PPP4R1: variants seen among roughly 807,000 people sequenced by gnomAD.
PPP4R1 encodes the protein serine/threonine-protein phosphatase 4 regulatory subunit 1.
A neutral mutation model predicts 111.2 loss-of-function variants in PPP4R1; 42 were observed. The ratio of observed to expected loss-of-function variants is 0.38; its 90% CI spans 0.29 to 0.49. The LOEUF (loss-of-function observed/expected upper bound fraction) is 0.49. Ranked by LOEUF, PPP4R1 falls within the 20% of genes least tolerant of loss-of-function variation. PPP4R1 has a pLI of 0.97. For missense variants in PPP4R1, 1,012 were observed against 1,161.6 expected (o/e 0.87, Z 1.87); for synonymous variants, 409 against 405.5 (o/e 1.01, Z -0.10).
chr18:9,605,566 C>CAAAAAAAAAAAAAAAAAAAAAAAA (rs34208690), intron 2 of PPP4R1, among the ~76,000 whole-genome samples: 1 of 67,640 alleles, frequency 1.5e-5, no homozygotes, highest in African/African-American at 5.9e-5. Flanking sequence ...GCAGTCCTGT[C>CAAAAAAAAAAAAAAAAAAAAAAAA]AAAAAAAAAA....
intron 6 of PPP4R1, among the ~76,000 whole-genome samples, chr18:9,586,323 G>A (rs1478407281): frequency 6.6e-6 from 1 of 151,696 alleles, no homozygotes; most frequent in Non-Finnish European, 1.5e-5. Flanking sequence ...ACATTGCATC[G>A]AGAATTATAA....
intron 11 of PPP4R1, among the ~76,000 whole-genome samples, chr18:9,564,697 G>T (rs189711542): frequency 0.02 from 1,878 of 93,550 alleles, 14 homozygotes; most frequent in Non-Finnish European, 0.032. Context: ...TAAAGTGCAT[G>T]GTGTGTGTGT....
At chr18:9,559,314 C>G (rs1323205879) in intron 14 of PPP4R1, 105 bp downstream of exon 14, 1 of 1,151,692 alleles carries the variant, frequency 8.7e-7, no homozygotes. Context: ...TCCTATAACA[C>G]TAAGAACATG....
intron 9 of PPP4R1, among the ~76,000 whole-genome samples, chr18:9,581,992 A>G (rs2067037151): frequency 6.6e-6 from 1 of 152,108 alleles, no homozygotes; most frequent in Non-Finnish European, 1.5e-5. Context: ...TTCACAGATA[A>G]ATGAAAACAG....
chr18:9,609,868 G>C (rs548470942), intron 2 of PPP4R1, among the ~76,000 whole-genome samples: 53 of 152,266 alleles, frequency 3.5e-4, no homozygotes, highest in African/African-American at 1.2e-3. Flanking sequence ...GAATCAGAAG[G>C]CCTAGCTTAA....
chr18:9,612,029 T>G (rs1185709498), intron 2 of PPP4R1, among the ~76,000 whole-genome samples: 2 of 151,970 alleles, frequency 1.3e-5, no homozygotes, highest in African/African-American at 2.4e-5. Context: ...AAAAAAAAAT[T>G]TAGTTGCGAG....
At chr18:9,563,600 T>C in intron 11 of PPP4R1, 50 bp from the exon 12 acceptor site, 1 of 1,455,092 alleles carries the variant, frequency 6.9e-7, no homozygotes, top group South Asian at 1.2e-5. Context: ...AATTGCAATA[T>C]TCTTACAAGG....
chr18:9,607,617 C>T (rs1033349399), intron 2 of PPP4R1, among the ~76,000 whole-genome samples: 1 of 151,898 alleles, frequency 6.6e-6, no homozygotes, highest in African/African-American at 2.4e-5. Flanking sequence ...CAAATTCAAG[C>T]CACAAATTAA....
chr18:9,593,980 T>A, intron 3 of PPP4R1, 106 bp from the exon 4 acceptor site: 1 of 827,386 alleles, frequency 1.2e-6, no homozygotes, highest in Non-Finnish European at 2.0e-6. Flanking sequence ...CAGGCCGGAG[T>A]GTAATGGTGT....
chr18:9,572,800 G>GT (rs2066882286), intron 10 of PPP4R1, among the ~76,000 whole-genome samples: 1 of 152,136 alleles, frequency 6.6e-6, no homozygotes, highest in Admixed American at 6.5e-5. Context: ...AAAAACATAC[G>GT]TAAGTCATCT....
rs141783257 is a variant in PPP4R1 at position 9,563,728 on chromosome 18, T to C, written c.1574-178A>G. ...ATCATTAGTCCTTCAAGAGAAAAAG[T>C]AGAAAACTAATATGCTTTCATGAGA... On this transcript the variant is annotated intron_variant, in intron 11 of 19. Transcript: ENST00000400556. The C allele has an allele frequency of 2.3e-4, 115 of 499,132 alleles. 2 individuals carry two copies. Among genetic ancestry groups the C allele is most frequent in the East Asian group, 1.6e-3 (48 of 29,936 alleles). 30.9% of individuals were successfully genotyped at this position (499,132 alleles called of 1,614,324 possible).
intron 3 of PPP4R1, chr18:9,594,102 A>G (rs1331457376): frequency 7.7e-6 from 3 of 390,616 alleles, no homozygotes; most frequent in African/African-American, 2.0e-5. Context: ...TAATTTTTAA[A>G]TATCTTTAGT....
intron 4 of PPP4R1, 21 bp downstream of exon 4, chr18:9,593,747 A>G (rs762809323): frequency 6.3e-7 from 1 of 1,598,036 alleles, no homozygotes; most frequent in Middle Eastern, 1.7e-4. Flanking sequence ...AATAGAGTAA[A>G]TTCACTTTCT....
At chr18:9,602,820 C>CA (rs536444961) in intron 2 of PPP4R1, among the ~76,000 whole-genome samples, 7 of 144,594 alleles carry the variant, frequency 4.8e-5, no homozygotes, top group African/African-American at 8.1e-5. Flanking sequence ...GACACTGTCT[C>CA]AAAAAAAAAG....
In PPP4R1 at chr18:9,570,142, G is replaced by A. The variant is rs1269287396; in HGVS notation, c.1573+15C>T. On this transcript the variant is annotated intron_variant, in intron 11 of 19. Transcript: ENST00000400556. ...TAATCAATTTCAGAATAAATAACTT[G>A]ATTGACTTCCATACCTTTAACATCT... 3 of 1,479,822 alleles carry A rather than the reference G, an allele frequency of 2.0e-6. No individual in the cohort carries two copies. The highest frequency in any genetic ancestry group is 2.7e-6 in the Non-Finnish European group (3 of 1,114,682). 91.7% of individuals were successfully genotyped at this position (1,479,822 alleles called of 1,614,324 possible). A position where few individuals can be genotyped will look rare whatever the true frequency, so the allele number is the denominator to read the frequency against.
At chr18:9,583,655 C>T (rs2067068681) in intron 8 of PPP4R1, among the ~76,000 whole-genome samples, 1 of 152,168 alleles carries the variant, frequency 6.6e-6, no homozygotes, top group Non-Finnish European at 1.5e-5. Context: ...GTGTGAGCCA[C>T]CACGCCCAGC....
chr18:9,571,418 G>C (rs1266049497), intron 10 of PPP4R1, among the ~76,000 whole-genome samples: 2 of 152,154 alleles, frequency 1.3e-5, no homozygotes, highest in African/African-American at 4.8e-5. Context: ...AATTTAACAG[G>C]CATTTATTGA....
intron 9 of PPP4R1, among the ~76,000 whole-genome samples, chr18:9,580,910 C>T (rs1229740037): frequency 1.3e-5 from 2 of 152,202 alleles, no homozygotes; most frequent in East Asian, 3.9e-4. Context: ...TGATTCCTCA[C>T]CAGGAGAAAG....
At chr18:9,577,031 T>C (rs1380080606) in intron 10 of PPP4R1, 33 bp downstream of exon 10, 2 of 1,468,806 alleles carry the variant, frequency 1.4e-6, no homozygotes, top group South Asian at 1.3e-5. Context: ...GAAAACAAGG[T>C]TTTAAAATTA....
Sources: allele counts gnomAD v4.1 joint callset (sites outside exome capture counted in the v4.1 genomes callset), GRCh38; gene constraint gnomAD v4.1.1; transcripts MANE v1.5; gene names NCBI Gene and HGNC (gene_info 2026-07-23, HGNC 2026-07-21).